Variants in IARS1 observed in about 807,000 individuals in gnomAD.
IARS1 encodes isoleucine--tRNA ligase, cytoplasmic.
A neutral mutation model predicts 168.2 loss-of-function variants in IARS1; 124 were observed. The observed-to-expected ratio is 0.74, with a 90% CI of 0.64 to 0.86. IARS1 has a LOEUF of 0.86. IARS1 is among the 40% of genes least tolerant of loss of function. IARS1 has a pLI of 0.00. For synonymous variants in IARS1, 532 were observed against 529.4 expected (o/e 1.00, Z -0.07); for missense variants, 1,452 against 1,515.8 (o/e 0.96, Z 0.70).
intron 30 of IARS1, among the ~76,000 whole-genome samples, chr9:92,232,407 A>G (rs1403886158): frequency 1.3e-5 from 2 of 152,230 alleles, no homozygotes; most frequent in Non-Finnish European, 2.9e-5. Context: ...TATAACTAGA[A>G]TAAGAGAAAT....
chr9:92,247,300 A>T, intron 26 of IARS1, 77 bp downstream of exon 26: 1 of 1,373,274 alleles, frequency 7.3e-7, no homozygotes, highest in South Asian at 1.3e-5. Context: ...ATGTGATATT[A>T]AAAGTCAAAC....
chr9:92,238,257 A>T (rs989328617), intron 30 of IARS1, among the ~76,000 whole-genome samples: 1 of 152,018 alleles, frequency 6.6e-6, no homozygotes, highest in African/African-American at 2.4e-5. Flanking sequence ...TATAGTTTGG[A>T]TATTTGTCTC....
chr9:92,236,904 G>GT (rs1048913775), intron 30 of IARS1, among the ~76,000 whole-genome samples: 4 of 152,148 alleles, frequency 2.6e-5, no homozygotes, highest in Admixed American at 2.0e-4. Context: ...TTGGCAATCT[G>GT]TATCAATAAT....
chr9:92,214,480 CA>C (rs1326804827), intron 33 of IARS1, among the ~76,000 whole-genome samples: 1 of 152,258 alleles, frequency 6.6e-6, no homozygotes, highest in East Asian at 1.9e-4. Flanking sequence ...ATGCAGAAGA[CA>C]GTGATTTCTG....
chr9:92,246,851 G>C (rs1194909873), intron 26 of IARS1, among the ~76,000 whole-genome samples: 3 of 152,040 alleles, frequency 2.0e-5, no homozygotes, highest in Non-Finnish European at 2.9e-5. Context: ...TAAACTGTAA[G>C]AATTATTTAT....
chr9:92,285,731 C>A lies in IARS1; in HGVS notation c.588G>T (p.Gln196His). 1.3e-6 allele frequency: 2 copies of A among 1,592,720 alleles called. No homozygotes were observed. The highest frequency in any genetic ancestry group is 4.5e-5 in the East Asian group (2 of 44,776). Residue 196 changes from glutamine (Q) to histidine (H), a missense_variant, in exon 6 of 34, where the codon CAG becomes CAT. Physicochemically the swap from Gln to His is conservative, Grantham distance 24 (BLOSUM62 0). Coordinates refer to ENST00000443024, the MANE Select transcript of IARS1 (RefSeq NM_002161.6). ...NTPLSNFESH[Q>H]NYKDVQDPSV... ...TCTACATTTCACGTACCTTATAATT[C>A]TGGTGTGACTCGAAGTTGGAAAGTG...
chr9:92,244,365 C>T (rs906007757), intron 27 of IARS1, among the ~76,000 whole-genome samples: 1 of 152,154 alleles, frequency 6.6e-6, no homozygotes, highest in Non-Finnish European at 1.5e-5. Context: ...TGCTGCTCTA[C>T]CTTCCCCTGC....
At chr9:92,274,400 A>T in intron 10 of IARS1, 26 bp downstream of exon 10, 1 of 1,567,138 alleles carries the variant, frequency 6.4e-7, no homozygotes, top group African/African-American at 1.3e-5. Context: ...ATACTCAAAT[A>T]CATTTGCCAG....
chr9:92,227,755 GCTC>G (rs1825979205), intron 31 of IARS1, among the ~76,000 whole-genome samples: 1 of 151,258 alleles, frequency 6.6e-6, no homozygotes, highest in South Asian at 2.1e-4. Flanking sequence ...GGGCAGAGAC[GCTC>G]CTCACTTCCT....
chr9:92,234,089 G>T (rs986604742), intron 30 of IARS1, among the ~76,000 whole-genome samples: 1 of 152,100 alleles, frequency 6.6e-6, no homozygotes, highest in Non-Finnish European at 1.5e-5. Context: ...GACTGTAAAT[G>T]ATACCACATT....
intron 9 of IARS1, among the ~76,000 whole-genome samples, chr9:92,277,620 A>G (rs1373758073): frequency 6.6e-6 from 1 of 151,690 alleles, no homozygotes; most frequent in African/African-American, 2.4e-5. Context: ...GGTTGCAGTG[A>G]GCTGTGATTG....
intron 21 of IARS1, among the ~76,000 whole-genome samples, chr9:92,253,134 T>G (rs1830250096): frequency 6.6e-6 from 1 of 152,226 alleles, no homozygotes; most frequent in Non-Finnish European, 1.5e-5. Context: ...ATATGACATG[T>G]ACATAATTGT....
chr9:92,281,536 A>G (rs974754821), intron 6 of IARS1, among the ~76,000 whole-genome samples: 5 of 152,206 alleles, frequency 3.3e-5, no homozygotes, highest in African/African-American at 9.7e-5. Flanking sequence ...GATCAAAAAG[A>G]TAACTGTTCT....
At position 92,288,323 on chromosome 9, in the gene IARS1, C is replaced by G. The variant is rs201699141; in HGVS notation, c.120-41G>C. On this transcript the variant is annotated intron_variant, in intron 2 of 33. Transcript: ENST00000443024. ...AATATATCAAGCCATTTAAAAACAG[C>G]CAAAATTTAAGGCATTTTTCTATAG... The G allele has an allele frequency of 1.7e-4, 269 of 1,594,716 alleles. 1 individual carries two copies. The African/African-American group carries it at 3.3e-3, about 19-fold the overall frequency.
At chr9:92,236,223 A>C (rs907810968) in intron 30 of IARS1, among the ~76,000 whole-genome samples, 3 of 152,034 alleles carry the variant, frequency 2.0e-5, no homozygotes, top group African/African-American at 7.2e-5. Flanking sequence ...ACCTCAGGTG[A>C]CCCACCCGCC....
intron 19 of IARS1, among the ~76,000 whole-genome samples, chr9:92,258,133 C>T (rs1317365654): frequency 6.6e-6 from 1 of 152,252 alleles, no homozygotes; most frequent in Non-Finnish European, 1.5e-5. Flanking sequence ...GGGGCCTTCT[C>T]TGACCACCCA....
At chr9:92,286,659 T>A in intron 4 of IARS1, 41 bp from the exon 5 acceptor site, 5 of 1,073,724 alleles carry the variant, frequency 4.7e-6, no homozygotes, top group Non-Finnish European at 7.0e-6. Context: ...GACAATGATA[T>A]TTATAATTGT....
intron 23 of IARS1, 121 bp from the exon 24 acceptor site, chr9:92,250,410 T>A: frequency 1.4e-6 from 1 of 717,930 alleles, no homozygotes; most frequent in Non-Finnish European, 2.4e-6. Context: ...GCCCTCCTGG[T>A]GAAGCACTGG....
In IARS1 at chr9:92,268,190, C is replaced by T; in HGVS notation, c.1415G>A (p.Ser472Asn). The T allele has an allele frequency of 1.9e-6, 3 of 1,602,662 alleles. No individual in the cohort carries two copies. In the Admixed American group the frequency reaches 5.3e-5, roughly 28 times the overall value. The change falls in exon 14 of 34, where the codon AGC becomes AAC. Residue 472 changes from serine (S) to asparagine (N), a missense_variant. By Grantham distance (46) the Ser-to-Asn change is conservative (BLOSUM62 1). Transcript: ENST00000443024. ...YWGTPIPLWVSDDFEEVVCIG... is the reference protein window; with the variant it reads ...YWGTPIPLWVNDDFEEVVCIG... ...ATGCCTCACCTCCTCAAAGTCATCG[C>T]TGACCCACAGTGGGATGGGGGTGCC...
Sources: gnomAD v4.1 joint callset for allele counts (sites outside exome capture counted in the v4.1 genomes callset) on GRCh38, gnomAD v4.1.1 for gene constraint, MANE v1.5 for transcripts, NCBI Gene and HGNC (gene_info 2026-07-23, HGNC 2026-07-21) for gene names.